Variants in RIMS2 observed in about 807,000 individuals in gnomAD.
The protein encoded by RIMS2 is regulating synaptic membrane exocytosis protein 2.
RIMS2 carries 59 observed loss-of-function variants against 174.4 expected under a neutral mutation model. That is an observed-to-expected ratio of 0.34 (90% CI 0.27 to 0.42). The LOEUF (loss-of-function observed/expected upper bound fraction) is 0.42, where lower values mean the gene tolerates loss of function less well. Among genes scored for constraint, RIMS2 ranks in the 10% least tolerant of loss-of-function variants. RIMS2 has a pLI of 1.00. For synonymous variants in RIMS2, 606 were observed against 572.5 expected (o/e 1.06, Z -0.84); for missense variants, 1,620 against 1,666.3 (o/e 0.97, Z 0.48).
intron 1 of RIMS2, among the ~76,000 whole-genome samples, chr8:103,566,141 T>G (rs1163318168): frequency 6.6e-6 from 1 of 152,156 alleles, no homozygotes; most frequent in African/African-American, 2.4e-5. Context: ...GAACCTGGGG[T>G]ACAATTTGAG....
At chr8:104,224,897 T>G (rs2099175970) in intron 19 of RIMS2, among the ~76,000 whole-genome samples, 1 of 152,240 alleles carries the variant, frequency 6.6e-6, no homozygotes, top group Non-Finnish European at 1.5e-5. Flanking sequence ...AGGTTATTGT[T>G]GCAATATCAG....
At chr8:103,867,373 TATG>T (rs2099088991) in intron 3 of RIMS2, among the ~76,000 whole-genome samples, 1 of 151,762 alleles carries the variant, frequency 6.6e-6, no homozygotes, top group Admixed American at 6.6e-5. Flanking sequence ...GTATTCTCAT[TATG>T]ATACAAATAT....
chr8:104,231,545 A>G (rs900573139), intron 19 of RIMS2, among the ~76,000 whole-genome samples: 1 of 152,194 alleles, frequency 6.6e-6, no homozygotes, highest in African/African-American at 2.4e-5. Flanking sequence ...TGAAGTATTC[A>G]GAAGCTATAG....
chr8:103,575,283 A>G lies in RIMS2; in HGVS notation c.176+74221A>G, dbSNP rs994829968. On this transcript the variant is annotated intron_variant, in intron 1 of 23. Transcript: ENST00000504942. Reference sequence around the variant, plus strand: ...ACTAGAGTGGCTTAAAAAAGAGACAATAGTAGGTGTTTTAAGGTTATGGAA... The same window carrying G: ...ACTAGAGTGGCTTAAAAAAGAGACAGTAGTAGGTGTTTTAAGGTTATGGAA... 2.2e-4 allele frequency among the ~76,000 whole-genome samples: 34 copies of G among 152,174 alleles called. 1 individual carries two copies. The highest frequency in any genetic ancestry group is 4.3e-4 in the African/African-American group (18 of 41,446).
chr8:103,579,573 G>A (rs1369897930), intron 1 of RIMS2, among the ~76,000 whole-genome samples: 3 of 152,130 alleles, frequency 2.0e-5, no homozygotes, highest in Non-Finnish European at 4.4e-5. Context: ...TGGATTTAAA[G>A]TGTAGAGTTT....
chr8:103,601,458 C>G (rs539674279), intron 1 of RIMS2, among the ~76,000 whole-genome samples: 1 of 151,768 alleles, frequency 6.6e-6, no homozygotes, highest in Non-Finnish European at 1.5e-5. Flanking sequence ...ATCTTGAAAT[C>G]TATTTTGTCT....
chr8:104,151,224 C>T (rs1459644209), intron 19 of RIMS2, among the ~76,000 whole-genome samples: 1 of 152,154 alleles, frequency 6.6e-6, no homozygotes, highest in Non-Finnish European at 1.5e-5. Flanking sequence ...TCCCATATTT[C>T]TGACTTGCAT....
intron 13 of RIMS2, among the ~76,000 whole-genome samples, chr8:103,940,420 C>A (rs1334473216): frequency 6.6e-6 from 1 of 152,160 alleles, no homozygotes; most frequent in Non-Finnish European, 1.5e-5. Flanking sequence ...CCCACTGGGT[C>A]TCTCCCATGA....
chr8:103,970,123 A>G (rs1337591790), intron 15 of RIMS2, among the ~76,000 whole-genome samples: 1 of 152,102 alleles, frequency 6.6e-6, no homozygotes, highest in Non-Finnish European at 1.5e-5. Flanking sequence ...AATTGCTGTA[A>G]ATAGGCCTTT....
intron 15 of RIMS2, among the ~76,000 whole-genome samples, chr8:103,968,800 T>A (rs1021267869): frequency 6.6e-6 from 1 of 152,122 alleles, no homozygotes; most frequent in African/African-American, 2.4e-5. Context: ...CCTTTTTCAA[T>A]GCTCTTTCTT....
chr8:103,793,305 A>G (rs925356541), intron 3 of RIMS2, among the ~76,000 whole-genome samples: 1 of 152,214 alleles, frequency 6.6e-6, no homozygotes, highest in Non-Finnish European at 1.5e-5. Context: ...GTAACCCCTC[A>G]TATAAACAGA....
chr8:103,562,335 G>C (rs2091722036), intron 1 of RIMS2, among the ~76,000 whole-genome samples: 1 of 152,190 alleles, frequency 6.6e-6, no homozygotes, highest in Non-Finnish European at 1.5e-5. Flanking sequence ...TACAGACATT[G>C]AATAAATACA....
intron 19 of RIMS2, among the ~76,000 whole-genome samples, chr8:104,091,020 T>C (rs1355655384): frequency 6.6e-6 from 1 of 151,846 alleles, no homozygotes; most frequent in Non-Finnish European, 1.5e-5. Context: ...TCAGATATTG[T>C]GCTAAGTGCT....
At chr8:103,768,163 GA>G (rs201240344) in intron 3 of RIMS2, 1 of 348,038 alleles carries the variant, frequency 2.9e-6, no homozygotes. Context: ...CAAGGTATAT[GA>G]AAAAAATAGA....
chr8:104,117,571 C>G (rs1416701559), intron 19 of RIMS2, among the ~76,000 whole-genome samples: 1 of 151,978 alleles, frequency 6.6e-6, no homozygotes, highest in African/African-American at 2.4e-5. Flanking sequence ...GAAATCCTGG[C>G]CTCAAGCAAT....
chr8:103,977,172 A>G (rs1439632599), intron 16 of RIMS2: 1 of 152,214 alleles, frequency 6.6e-6, no homozygotes, highest in Non-Finnish European at 1.5e-5. Context: ...TTTGAAGGAT[A>G]TAAGACACTA....
intron 19 of RIMS2, among the ~76,000 whole-genome samples, chr8:104,022,037 A>G (rs940089479): frequency 5.9e-5 from 9 of 152,190 alleles, no homozygotes; most frequent in African/African-American, 2.2e-4. Flanking sequence ...GAATCAGTCA[A>G]TCCTCCAAAA....
intron 2 of RIMS2, among the ~76,000 whole-genome samples, chr8:103,725,690 A>C (rs894239802): frequency 2.0e-5 from 3 of 152,166 alleles, no homozygotes; most frequent in African/African-American, 7.2e-5. Context: ...TTTGTGTTCA[A>C]GTCTTTTTGT....
At chr8:103,604,179 G>A (rs1019979511) in intron 1 of RIMS2, among the ~76,000 whole-genome samples, 1 of 150,586 alleles carries the variant, frequency 6.6e-6, no homozygotes, top group Non-Finnish European at 1.5e-5. Context: ...TTTTGTATAA[G>A]GTGTAAGGAA....
Sources: gnomAD v4.1 joint callset for allele counts (sites outside exome capture counted in the v4.1 genomes callset) on GRCh38, gnomAD v4.1.1 for gene constraint, MANE v1.5 for transcripts, NCBI Gene and HGNC (gene_info 2026-07-23, HGNC 2026-07-21) for gene names.